NDUFV2: variants seen among roughly 807,000 people sequenced by gnomAD.
NDUFV2 encodes the protein NADH:ubiquinone oxidoreductase core subunit V2.
Under a neutral mutation model 31.6 loss-of-function variants are expected in NDUFV2, and 18 were observed. That is an observed-to-expected ratio of 0.57 (90% CI 0.39 to 0.84). The LOEUF is 0.84. NDUFV2 is among the 40% of genes least tolerant of loss of function. NDUFV2 has a pLI of 0.00. For synonymous variants in NDUFV2, 83 were observed against 99.8 expected (o/e 0.83, Z 1.01); for missense variants, 314 against 303.6 (o/e 1.03, Z -0.26).
chr18:9,126,709 A>G (rs1019195523), intron 6 of NDUFV2, 122 bp from the exon 7 acceptor site: 13 of 816,316 alleles, frequency 1.6e-5, no homozygotes, highest in Non-Finnish European at 2.7e-5. Context: ...CTGAGGTAGG[A>G]GGATTGCTTA....
At chr18:9,109,064 T>G (rs2077856588) in intron 1 of NDUFV2, among the ~76,000 whole-genome samples, 1 of 152,140 alleles carries the variant, frequency 6.6e-6, no homozygotes, top group Non-Finnish European at 1.5e-5. Flanking sequence ...TTTAGGAGGT[T>G]TCAGTTTTCT....
intron 1 of NDUFV2, among the ~76,000 whole-genome samples, chr18:9,114,980 A>C (rs187957738): frequency 1.3e-5 from 2 of 152,336 alleles, no homozygotes. Flanking sequence ...AAAGGGATCA[A>C]ATATTAATCC....
In NDUFV2 at chr18:9,119,523, C is replaced by T. The variant is rs1347507741; in HGVS notation, c.233C>T (p.Ala78Val). Residue 78 changes from alanine (A) to valine (V), a missense_variant, in exon 4 of 8, where the codon GCT becomes GTT. Ala to Val is a moderately conservative substitution (Grantham distance 64). Transcript: ENST00000318388. ...KNYPEGHKAAAVLPVLDLAQR... is the reference protein window; with the variant it reads ...KNYPEGHKAAVVLPVLDLAQR... ...TATCCAGAAGGCCATAAAGCAGCAG[C>T]TGTTCTTCCAGTCCTGGATTTAGCC... 1 of 1,613,908 alleles carries T rather than the reference C, an allele frequency of 6.2e-7. No homozygotes were observed. The highest frequency in any genetic ancestry group is 8.5e-7 in the Non-Finnish European group (1 of 1,179,886).
intron 1 of NDUFV2, among the ~76,000 whole-genome samples, chr18:9,115,226 G>C (rs2077892036): frequency 6.6e-6 from 1 of 152,120 alleles, no homozygotes. Context: ...ATCGTAATAA[G>C]AGATAAGCAC....
intron 4 of NDUFV2, among the ~76,000 whole-genome samples, chr18:9,120,839 TATA>T (rs1237451137): frequency 1.3e-5 from 2 of 152,200 alleles, no homozygotes; most frequent in East Asian, 3.8e-4. Flanking sequence ...TGTTTCTAAT[TATA>T]ATGTTATTAT....
At chr18:9,107,619 C>T (rs2077848353) in intron 1 of NDUFV2, among the ~76,000 whole-genome samples, 1 of 152,190 alleles carries the variant, frequency 6.6e-6, no homozygotes, top group Non-Finnish European at 1.5e-5. Flanking sequence ...GTAGTAAGGG[C>T]TGGGTTTATT....
At chr18:9,103,956 T>C in intron 1 of NDUFV2, 1 of 518,174 alleles carries the variant, frequency 1.9e-6, no homozygotes, top group Non-Finnish European at 3.3e-6. Flanking sequence ...ATATTACAGA[T>C]AAGGAAAAGA....
chr18:9,111,809 GC>G (rs1312507643), intron 1 of NDUFV2, among the ~76,000 whole-genome samples: 2 of 151,816 alleles, frequency 1.3e-5, no homozygotes, highest in Non-Finnish European at 2.9e-5. Flanking sequence ...GAGGAAACAG[GC>G]TCTAGAGCTG....
chr18:9,118,773 T>C (rs1250729285), intron 2 of NDUFV2, among the ~76,000 whole-genome samples: 3 of 151,708 alleles, frequency 2.0e-5, no homozygotes, highest in Non-Finnish European at 4.4e-5. Context: ...TAAAGCTTCT[T>C]GCTGTTGGCT....
At chr18:9,116,120 ATCTCT>A (rs1160053144) in intron 1 of NDUFV2, among the ~76,000 whole-genome samples, 2 of 152,166 alleles carry the variant, frequency 1.3e-5, no homozygotes, top group Non-Finnish European at 2.9e-5. Context: ...TGCATTTATG[ATCTCT>A]TCAGGCTATT....
At chr18:9,126,314 T>C (rs2077990430) in intron 6 of NDUFV2, among the ~76,000 whole-genome samples, 1 of 152,256 alleles carries the variant, frequency 6.6e-6, no homozygotes, top group Non-Finnish European at 1.5e-5. Context: ...ACGTTGACAC[T>C]GTTCTACTTT....
chr18:9,120,700 G>A (rs927076097), intron 4 of NDUFV2, among the ~76,000 whole-genome samples: 3 of 151,948 alleles, frequency 2.0e-5, no homozygotes, highest in African/African-American at 7.3e-5. Context: ...ATATTATAAA[G>A]CAAGTTTAGT....
intron 7 of NDUFV2, among the ~76,000 whole-genome samples, chr18:9,133,072 T>C (rs1190325282): frequency 6.6e-6 from 1 of 152,198 alleles, no homozygotes. Flanking sequence ...AGATAATTGT[T>C]CATTACTTAG....
intron 7 of NDUFV2, among the ~76,000 whole-genome samples, chr18:9,129,069 C>G (rs925275809): frequency 2.4e-4 from 36 of 152,128 alleles, no homozygotes; most frequent in Admixed American, 2.0e-4. Flanking sequence ...TCCCGAGCAG[C>G]TGGGACTATA....
intron 7 of NDUFV2, among the ~76,000 whole-genome samples, chr18:9,128,022 T>C (rs1006661231): frequency 1.3e-5 from 2 of 152,218 alleles, no homozygotes; most frequent in African/African-American, 4.8e-5. Flanking sequence ...ATTTTCACTT[T>C]TAAACAAACC....
chr18:9,105,954 A>G (rs2077839693), intron 1 of NDUFV2, among the ~76,000 whole-genome samples: 1 of 152,106 alleles, frequency 6.6e-6, no homozygotes, highest in South Asian at 2.1e-4. Context: ...ATGTTGAACA[A>G]TTTTGGATTG....
At chr18:9,124,280 C>T (rs2077967119) in intron 5 of NDUFV2, among the ~76,000 whole-genome samples, 1 of 148,522 alleles carries the variant, frequency 6.7e-6, no homozygotes, top group African/African-American at 2.5e-5. Flanking sequence ...ATTTTTACTA[C>T]TGTAAAAAAA....
At chr18:9,121,585 CTTCTT>C (rs2077936092) in intron 4 of NDUFV2, 2 of 152,320 alleles carry the variant, frequency 1.3e-5, no homozygotes, top group African/African-American at 4.8e-5. Context: ...AATGCCCGCT[CTTCTT>C]TTATATTAGA....
intron 1 of NDUFV2, chr18:9,103,594 TAA>T (rs2077826086): frequency 6.4e-6 from 1 of 156,002 alleles, no homozygotes; most frequent in African/African-American, 2.4e-5. Context: ...TGAAATAGGT[TAA>T]GTCAGTTCTC....
Sources: gnomAD v4.1 joint callset for allele counts (sites outside exome capture counted in the v4.1 genomes callset) on GRCh38, gnomAD v4.1.1 for gene constraint, MANE v1.5 for transcripts, NCBI Gene and HGNC (gene_info 2026-07-23, HGNC 2026-07-21) for gene names.